SEZ6L: variants seen among roughly 807,000 people sequenced by gnomAD.
SEZ6L encodes seizure related 6 homolog like, also known as seizure 6-like protein.
SEZ6L carries 37 observed loss-of-function variants against 106.2 expected under a neutral mutation model. That is an observed-to-expected ratio of 0.35 (90% CI 0.27 to 0.46). SEZ6L has a LOEUF of 0.46. Among genes scored for constraint, SEZ6L ranks in the 20% least tolerant of loss-of-function variants. The probability of loss-of-function intolerance (pLI) is 1.00; values close to 1 mark genes in which losing one functional copy is unlikely to be tolerated. For synonymous variants in SEZ6L, 541 were observed against 570.4 expected (o/e 0.95, Z 0.73); for missense variants, 1,172 against 1,332.8 (o/e 0.88, Z 1.88).
intron 1 of SEZ6L, among the ~76,000 whole-genome samples, chr22:26,226,887 T>A (rs1263527270): frequency 6.6e-6 from 1 of 152,176 alleles, no homozygotes; most frequent in Admixed American, 6.5e-5. Context: ...CAAAGACCCC[T>A]TCTACCATGA....
At chr22:26,249,027 CTTTT>C (rs1398937373) in intron 1 of SEZ6L, among the ~76,000 whole-genome samples, 1 of 152,110 alleles carries the variant, frequency 6.6e-6, no homozygotes, top group Non-Finnish European at 1.5e-5. Flanking sequence ...AAAACTTTCT[CTTTT>C]TTAAGTATTT....
At chr22:26,352,233 T>C (rs1006521496) in intron 12 of SEZ6L, among the ~76,000 whole-genome samples, 1 of 151,788 alleles carries the variant, frequency 6.6e-6, no homozygotes, top group African/African-American at 2.4e-5. Context: ...TTCACAGTCA[T>C]TGCATAAGGA....
intron 10 of SEZ6L, among the ~76,000 whole-genome samples, chr22:26,343,271 T>C (rs1338096458): frequency 1.3e-5 from 2 of 150,548 alleles, no homozygotes; most frequent in Non-Finnish European, 2.9e-5. Context: ...TTTGCTCATT[T>C]ATCTCCCCTA....
chr22:26,229,867 C>G (rs1017488713), intron 1 of SEZ6L, among the ~76,000 whole-genome samples: 1 of 152,202 alleles, frequency 6.6e-6, no homozygotes, highest in African/African-American at 2.4e-5. Flanking sequence ...AACAAATGCC[C>G]CCTGCTCTGC....
chr22:26,268,107 T>A (rs1366379017), intron 1 of SEZ6L, among the ~76,000 whole-genome samples: 1 of 152,220 alleles, frequency 6.6e-6, no homozygotes, highest in Non-Finnish European at 1.5e-5. Flanking sequence ...ATCAATTAAA[T>A]ACCAATCCAA....
At chr22:26,273,626 C>G (rs2080443379) in intron 1 of SEZ6L, among the ~76,000 whole-genome samples, 2 of 152,210 alleles carry the variant, frequency 1.3e-5, no homozygotes, top group Non-Finnish European at 2.9e-5. Context: ...TGATGCCAGT[C>G]CACTCCTCCG....
chr22:26,191,565 A>AAAC (rs1483767071), intron 1 of SEZ6L, among the ~76,000 whole-genome samples: 1 of 150,894 alleles, frequency 6.6e-6, no homozygotes, highest in Non-Finnish European at 1.5e-5. Context: ...GTGGAGAACA[A>AAAC]AACACACTGG....
At chr22:26,179,977 G>A (rs1355007694) in intron 1 of SEZ6L, among the ~76,000 whole-genome samples, 1 of 152,292 alleles carries the variant, frequency 6.6e-6, no homozygotes. Flanking sequence ...TACTAGCGAC[G>A]TTTCAAGTGC....
rs929878436 is a variant in SEZ6L, at chr22:26,352,509, A to G, written c.2599+1266A>G. ...ACATCTGATGTGAGTAACACTGTGT[A>G]CAATTTATAGACTTGGCCACCTCCT... On this transcript the variant is annotated intron_variant, in intron 12 of 16. Coordinates refer to ENST00000248933, the MANE Select transcript of SEZ6L (RefSeq NM_021115.5). Among the ~76,000 whole-genome samples, 21 of 152,358 alleles carry G rather than the reference A, an allele frequency of 1.4e-4. 1 individual carries two copies. The highest frequency in any genetic ancestry group is 1.1e-3 in the Admixed American group (17 of 15,308).
chr22:26,200,341 AT>A (rs908151564), intron 1 of SEZ6L, among the ~76,000 whole-genome samples: 58 of 151,936 alleles, frequency 3.8e-4, no homozygotes, highest in African/African-American at 1.4e-3. Context: ...CCTTTCAGTA[AT>A]TTTTTTTGAG....
intron 12 of SEZ6L, among the ~76,000 whole-genome samples, chr22:26,354,077 C>A (rs2083362737): frequency 6.6e-6 from 1 of 151,916 alleles, no homozygotes; most frequent in African/African-American, 2.4e-5. Context: ...GTAACTGTGA[C>A]CTTGATTGGA....
intron 1 of SEZ6L, among the ~76,000 whole-genome samples, chr22:26,281,467 C>T (rs1406791862): frequency 6.6e-6 from 1 of 151,514 alleles, no homozygotes; most frequent in Non-Finnish European, 1.5e-5. Flanking sequence ...CTCCGCCTCC[C>T]GGGTTCACGC....
At chr22:26,369,527 A>T (rs1265785067) in intron 13 of SEZ6L, among the ~76,000 whole-genome samples, 3 of 150,772 alleles carry the variant, frequency 2.0e-5, no homozygotes, top group African/African-American at 7.3e-5. Context: ...TTTTTAGTAG[A>T]GACGGGTTTT....
chr22:26,213,349 C>G (rs369123129), intron 1 of SEZ6L, among the ~76,000 whole-genome samples: 1 of 152,198 alleles, frequency 6.6e-6, no homozygotes, highest in African/African-American at 2.4e-5. Context: ...TGGACATGAA[C>G]CCTTACCATG....
intron 1 of SEZ6L, among the ~76,000 whole-genome samples, chr22:26,221,217 G>T (rs1426642793): frequency 1.3e-5 from 2 of 151,868 alleles, no homozygotes; most frequent in Admixed American, 6.6e-5. Context: ...CCTTCAAACT[G>T]CAGTTAAATC....
rs1273713034 is a variant in SEZ6L at position 26,347,699 on chromosome 22, C to T, written c.2213-20C>T. ...ACAAGACTGCTTCCCCCATCTAAGA[C>T]TGACGTTTCTCTTTTAAAGAGGTAT... is the stretch of plus-strand genomic sequence containing the variant. On this transcript the variant is annotated intron_variant, in intron 10 of 16. Coordinates refer to ENST00000248933, the MANE Select transcript of SEZ6L (RefSeq NM_021115.5). The T allele has an allele frequency of 3.1e-6, 5 of 1,587,908 alleles. No individual in the cohort carries two copies. The highest frequency in any genetic ancestry group is 1.4e-5 in the African/African-American group (1 of 73,126).
At chr22:26,360,764 T>A (rs1028702085) in intron 12 of SEZ6L, among the ~76,000 whole-genome samples, 1 of 152,114 alleles carries the variant, frequency 6.6e-6, no homozygotes, top group Non-Finnish European at 1.5e-5. Context: ...CGGTAACTGT[T>A]CTCTGTTCCC....
intron 11 of SEZ6L, among the ~76,000 whole-genome samples, chr22:26,348,703 A>AAGGAAGGAAGAAAGGAAGGAAGG (rs2083149621): frequency 4.8e-5 from 2 of 41,484 alleles, no homozygotes; most frequent in South Asian, 2.6e-3. Context: ...AGAAAGAAAG[A>AAGGAAGGAAGAAAGGAAGGAAGG]AGGCAAGGGA....
chr22:26,278,880 A>AAAGG (rs1255364456), intron 1 of SEZ6L, among the ~76,000 whole-genome samples: 1 of 144,108 alleles, frequency 6.9e-6, no homozygotes, highest in Non-Finnish European at 1.6e-5. Flanking sequence ...GAAAGAAAGA[A>AAAGG]AAGGAAGAAA....
Sources: allele counts gnomAD v4.1 joint callset (sites outside exome capture counted in the v4.1 genomes callset), GRCh38; gene constraint gnomAD v4.1.1; transcripts MANE v1.5; gene names NCBI Gene and HGNC (gene_info 2026-07-23, HGNC 2026-07-21).